The following ARHGAP39 variants were observed in gnomAD, a reference collection of about 807,000 sequenced individuals.
The protein encoded by ARHGAP39 is rho GTPase-activating protein 39.
In ARHGAP39, 44 loss-of-function variants were observed where a neutral mutation model predicts 106.9. The observed-to-expected ratio is 0.41, with a 90% CI of 0.32 to 0.53. ARHGAP39 has a LOEUF of 0.53. Among genes scored for constraint, ARHGAP39 ranks in the 20% least tolerant of loss-of-function variants. The probability of loss-of-function intolerance (pLI) is 0.21; values close to 1 mark genes in which losing one functional copy is unlikely to be tolerated. For missense variants in ARHGAP39, 1,496 were observed against 1,577.3 expected, an observed-to-expected ratio of 0.95 and a Z score of 0.87; for synonymous variants, 768 against 693.2, an observed-to-expected ratio of 1.11 and a Z score of -1.69.
In ARHGAP39 at chr8:144,529,414, C is replaced by T. The variant is rs1317113012; in HGVS notation, c.*1008G>A. The T allele has an allele frequency of 6.6e-6, 1 of 152,174 alleles. No homozygotes were observed. The highest frequency in any genetic ancestry group is 1.9e-4 in the East Asian group (1 of 5,144). The allele number at this position is 152,174 out of a possible 1,614,324, so 9.4% of individuals were successfully genotyped here. ...TTTACAACAATTGGAACTCAAAATT[C>T]CAAAATGGAAAATGTACAAACTCGG... On this transcript the variant is annotated 3_prime_UTR_variant, in exon 12 of 12. Coordinates refer to ENST00000377307, the MANE Select transcript of ARHGAP39 (RefSeq NM_025251.3).
intron 1 of ARHGAP39, among the ~76,000 whole-genome samples, chr8:144,651,170 A>G (rs1386372231): frequency 6.6e-6 from 1 of 152,196 alleles, no homozygotes; most frequent in Non-Finnish European, 1.5e-5. Flanking sequence ...CACAAAAAGA[A>G]TAAAATACCT....
At chr8:144,576,487 G>A (rs1818783118) in intron 3 of ARHGAP39, among the ~76,000 whole-genome samples, 1 of 152,174 alleles carries the variant, frequency 6.6e-6, no homozygotes, top group African/African-American at 2.4e-5. Context: ...TGGGCCCTGA[G>A]CCATGGGTGA....
At chr8:144,696,849 C>T in the ARHGAP39 span, among the ~76,000 whole-genome samples, 1 of 152,132 alleles carries the variant, frequency 6.6e-6, no homozygotes, top group South Asian at 2.1e-4. Context: ...TCCCTAGTAA[C>T]CAACATTCTT....
chr8:144,623,649 G>A (rs1820862576), intron 1 of ARHGAP39, among the ~76,000 whole-genome samples: 1 of 152,224 alleles, frequency 6.6e-6, no homozygotes, highest in Admixed American at 6.5e-5. Context: ...AAGAAGCCTT[G>A]CTTTACCTTG....
chr8:144,601,670 G>C (rs549848385), intron 2 of ARHGAP39, among the ~76,000 whole-genome samples: 25 of 144,560 alleles, frequency 1.7e-4, no homozygotes. Flanking sequence ...GGATGCGTGC[G>C]TGCGAGCTCA....
At position 144,647,230 on chromosome 8, in the gene ARHGAP39, C is replaced by G. The variant is rs949095191; in HGVS notation, c.-82+38456G>C. On this transcript the variant is annotated intron_variant, in intron 1 of 11. Transcript: ENST00000377307. This position sits in a 1 kb window ranked among gnomAD's most constrained non-coding sequence, Gnocchi z 4.8. ...GATCCGCGTGCCTCAGCCTCCCAAA[C>G]TGCTGGGATTACAGCCGTGAGCCAC... Among the ~76,000 whole-genome samples the G allele has an allele frequency of 2.6e-4, 39 of 152,076 alleles. No homozygotes were observed. Among genetic ancestry groups the G allele is most frequent in the African/African-American group, 9.4e-4 (39 of 41,424 alleles).
At position 144,684,148 on chromosome 8, in the gene ARHGAP39, A is replaced by T. The variant is rs1822510285; in HGVS notation, c.-82+1538T>A. ...TGTCCACTCTGCTCCCCTGCCTCTC[A>T]GGAAGACAGCTGGCTACACCAAGTG... On this transcript the variant is annotated intron_variant, in intron 1 of 11. Transcript: ENST00000377307. The surrounding 1 kb of genome is among the most constrained non-coding windows in gnomAD (Gnocchi z 4.4). 6.6e-6 allele frequency among the ~76,000 whole-genome samples: 1 copy of T among 152,178 alleles called. No homozygotes were observed. Among genetic ancestry groups the T allele is most frequent in the African/African-American group, 2.4e-5 (1 of 41,444 alleles).
intron 3 of ARHGAP39, among the ~76,000 whole-genome samples, 172 bp downstream of exon 3, chr8:144,580,674 C>T (rs930833412): frequency 2.7e-5 from 4 of 149,598 alleles, no homozygotes; most frequent in African/African-American, 9.9e-5. Flanking sequence ...CCCGCCCATT[C>T]CACTCACCTG....
intron 1 of ARHGAP39, among the ~76,000 whole-genome samples, chr8:144,673,168 T>A (rs1822143165): frequency 6.6e-6 from 1 of 150,964 alleles, no homozygotes; most frequent in Admixed American, 6.6e-5. Context: ...AGTGAGCAGA[T>A]ATCATGCCAC....
At chr8:144,663,327 GC>G (rs559161791) in intron 1 of ARHGAP39, among the ~76,000 whole-genome samples, 2 of 152,246 alleles carry the variant, frequency 1.3e-5, no homozygotes, top group South Asian at 4.1e-4. Flanking sequence ...TTCTGGTGAG[GC>G]CTCAGGAACC....
chr8:144,534,563 T>C (rs1165243890), intron 7 of ARHGAP39, among the ~76,000 whole-genome samples: 1 of 152,200 alleles, frequency 6.6e-6, no homozygotes, highest in Non-Finnish European at 1.5e-5. Context: ...TATTTGACTC[T>C]TCTCTGCTTC....
chr8:144,690,976 A>T, the ARHGAP39 span, among the ~76,000 whole-genome samples: 1 of 152,136 alleles, frequency 6.6e-6, no homozygotes, highest in Non-Finnish European at 1.5e-5. Context: ...CATTTAAAAA[A>T]ATTGAGTTTC....
chr8:144,590,497 A>G (rs1308584016), intron 2 of ARHGAP39, among the ~76,000 whole-genome samples: 1 of 152,154 alleles, frequency 6.6e-6, no homozygotes, highest in Non-Finnish European at 1.5e-5. Context: ...TGCCATGATC[A>G]GAAGCTTCCT....
At chr8:144,617,859 G>A (rs1286528162) in intron 1 of ARHGAP39, among the ~76,000 whole-genome samples, 2 of 152,184 alleles carry the variant, frequency 1.3e-5, no homozygotes, top group Non-Finnish European at 2.9e-5. Context: ...AGGGGTCACT[G>A]TAGTCTCAAC....
rs1819135825 is a variant in ARHGAP39 at position 144,585,232 on chromosome 8, A to G, written c.81-3955T>C. ...TCTGCCGGTCCCAGCTCCAGATGCA[A>G]TGGCAGACTCACTCTTCTTCCCAAG... On this transcript the variant is annotated intron_variant, in intron 2 of 11. Coordinates refer to ENST00000377307, the MANE Select transcript of ARHGAP39 (RefSeq NM_025251.3). This position sits in a 1 kb window ranked among gnomAD's most constrained non-coding sequence, Gnocchi z 4.6. 6.6e-6 allele frequency among the ~76,000 whole-genome samples: 1 copy of G among 152,048 alleles called. No homozygotes were observed. Among genetic ancestry groups the G allele is most frequent in the East Asian group, 1.9e-4 (1 of 5,188 alleles).
At chr8:144,600,676 C>G (rs1254133147) in intron 2 of ARHGAP39, among the ~76,000 whole-genome samples, 1 of 147,422 alleles carries the variant, frequency 6.8e-6, no homozygotes, top group Non-Finnish European at 1.5e-5. Flanking sequence ...ACTTGTGTAC[C>G]TGCGTGTGCG....
rs1586632349 is a variant in ARHGAP39 at position 144,641,041 on chromosome 8, TAC to T, written c.-81-35348_-81-35347del. 6.6e-6 allele frequency among the ~76,000 whole-genome samples: 1 copy of T among 152,206 alleles called. No homozygotes were observed. The highest frequency in any genetic ancestry group is 2.4e-5 in the African/African-American group (1 of 41,454). ...TCTTATTTCCTACAATAATAAAATG[TAC>T]ACTCAACTAGATATTTTTATTTCTC... On this transcript the variant is annotated intron_variant, in intron 1 of 11. Coordinates refer to ENST00000377307, the MANE Select transcript of ARHGAP39 (RefSeq NM_025251.3). This position sits in a 1 kb window ranked among gnomAD's most constrained non-coding sequence, Gnocchi z 5.2.
intron 1 of ARHGAP39, among the ~76,000 whole-genome samples, chr8:144,640,015 G>A (rs1821271123): frequency 6.6e-6 from 1 of 152,180 alleles, no homozygotes; most frequent in Non-Finnish European, 1.5e-5. Context: ...TCAGGAATGG[G>A]TTACGGATGC....
chr8:144,547,475 C>T lies in ARHGAP39; in HGVS notation c.1611G>A (p.Lys537=). 6.5e-7 allele frequency: 1 copy of T among 1,542,344 alleles called. No individual in the cohort carries two copies. The highest frequency in any genetic ancestry group is 8.7e-7 in the Non-Finnish European group (1 of 1,148,980). The change falls in exon 5 of 12, where the codon AAG becomes AAA. Residue 537 remains lysine, a synonymous_variant. Transcript: ENST00000377307. The surrounding 1 kb of genome is among the most constrained non-coding windows in gnomAD (Gnocchi z 5.2). ...CCCCTTCGGCCTCACCTTCCGCTCG[C>T]TTCACGGGGGCGAGGCTGGTCCCGC... ...PPCGTSLAPV[K]RAEGEAEGAR... is the part of the protein sequence containing the mutation.
Sources: allele counts gnomAD v4.1 joint callset (sites outside exome capture counted in the v4.1 genomes callset), GRCh38; gene constraint gnomAD v4.1.1; non-coding constraint Gnocchi (gnomAD v3.1); transcripts MANE v1.5; gene names NCBI Gene and HGNC (gene_info 2026-07-23, HGNC 2026-07-21).